Variants in DENND5A observed in about 807,000 individuals in gnomAD.
The protein encoded by DENND5A is DENN domain containing 5A.
In DENND5A, 64 loss-of-function variants were observed where a neutral mutation model predicts 140.3. The ratio of observed to expected loss-of-function variants is 0.46; its 90% CI spans 0.37 to 0.56. DENND5A has a LOEUF of 0.56. Ranked by LOEUF, DENND5A falls within the 20% of genes least tolerant of loss-of-function variation. DENND5A has a pLI of 0.00. For missense variants in DENND5A, 1,292 were observed against 1,593.8 expected (o/e 0.81, Z 3.22); for synonymous variants, 605 against 607.7 (o/e 1.00, Z 0.07).
chr11:9,216,059 C>G (rs1850082504), intron 1 of DENND5A, among the ~76,000 whole-genome samples: 1 of 152,178 alleles, frequency 6.6e-6, no homozygotes, highest in African/African-American at 2.4e-5. Flanking sequence ...TCCTCAATAC[C>G]AAATTTTAAT....
At chr11:9,229,966 G>A (rs990147638) in intron 1 of DENND5A, among the ~76,000 whole-genome samples, 3 of 126,422 alleles carry the variant, frequency 2.4e-5, no homozygotes, top group African/African-American at 9.1e-5. Context: ...GTGCAGTGGT[G>A]TGATCTCAGC....
intron 1 of DENND5A, among the ~76,000 whole-genome samples, chr11:9,244,316 G>A (rs1851371462): frequency 6.6e-6 from 1 of 152,008 alleles, no homozygotes; most frequent in Non-Finnish European, 1.5e-5. Context: ...GGCCATGAGA[G>A]CTGCTCCCTT....
At position 9,138,981 on chromosome 11, in the gene DENND5A, A is replaced by G. The variant is rs999441830; in HGVS notation, c.*690T>C. 1 of 152,422 alleles carries G rather than the reference A, an allele frequency of 6.6e-6. No homozygotes were observed. Among genetic ancestry groups the G allele is most frequent in the Non-Finnish European group, 1.5e-5 (1 of 68,030 alleles). 9.4% of individuals were successfully genotyped at this position (152,422 alleles called of 1,614,324 possible). A position where few individuals can be genotyped will look rare whatever the true frequency, so the allele number is the denominator to read the frequency against. On this transcript the variant is annotated 3_prime_UTR_variant, in exon 23 of 23. Transcript: ENST00000328194. ...ACTTAAAAACACACAATGGCGGGTTAAATAAATAAAACATTTTAAAAAAGA... is the reference window on the plus strand; with the variant it reads ...ACTTAAAAACACACAATGGCGGGTTGAATAAATAAAACATTTTAAAAAAGA...
intron 15 of DENND5A, among the ~76,000 whole-genome samples, chr11:9,148,939 C>T (rs1847520809): frequency 2.0e-5 from 3 of 152,078 alleles, no homozygotes; most frequent in Admixed American, 1.3e-4. Flanking sequence ...TGTGTGCATG[C>T]AAAGAATTGA....
At chr11:9,221,163 G>A (rs1237310924) in intron 1 of DENND5A, among the ~76,000 whole-genome samples, 2 of 152,004 alleles carry the variant, frequency 1.3e-5, no homozygotes, top group Admixed American at 1.3e-4. Context: ...GGACACGGTG[G>A]CTCACGCCTG....
At chr11:9,241,852 T>C (rs1450666656) in intron 1 of DENND5A, among the ~76,000 whole-genome samples, 1 of 151,948 alleles carries the variant, frequency 6.6e-6, no homozygotes. Context: ...CCATCTCTAC[T>C]AAAATTACAA....
intron 12 of DENND5A, 62 bp from the exon 13 acceptor site, chr11:9,152,504 C>T (rs1847653161): frequency 8.7e-7 from 1 of 1,150,068 alleles, no homozygotes; most frequent in Non-Finnish European, 1.3e-6. Context: ...AGGCTTTCAA[C>T]ATACAGATAG....
chr11:9,187,468 C>T (rs183750396), intron 5 of DENND5A, among the ~76,000 whole-genome samples: 33 of 152,238 alleles, frequency 2.2e-4, no homozygotes, highest in Non-Finnish European at 4.7e-4. Context: ...AAATATCTTC[C>T]GCTCAAGGTC....
chr11:9,178,129 T>C lies in DENND5A; in HGVS notation c.1906+3A>G. On this transcript the variant is annotated splice_donor_region_variant and intron_variant, in intron 8 of 22. Transcript: ENST00000328194. ...TGAATGTACATTTCCAAGGAGGCCT[T>C]ACCTGCTTCATCCACAGTGGTACAC... 3 of 1,605,580 alleles carry C rather than the reference T, an allele frequency of 1.9e-6. No individual in the cohort carries two copies. Among genetic ancestry groups the C allele is most frequent in the Non-Finnish European group, 2.6e-6 (3 of 1,172,188 alleles).
chr11:9,154,621 C>A (rs983793442), intron 12 of DENND5A, among the ~76,000 whole-genome samples: 1 of 151,482 alleles, frequency 6.6e-6, no homozygotes, highest in Non-Finnish European at 1.5e-5. Context: ...GTACTTCCTA[C>A]AAAATTCATA....
In DENND5A at chr11:9,178,221, G is replaced by A. The variant is rs758930750; in HGVS notation, c.1817C>T (p.Ser606Phe). The A allele has an allele frequency of 6.2e-7, 1 of 1,613,866 alleles. No individual in the cohort carries two copies. Among genetic ancestry groups the A allele is most frequent in the South Asian group, 1.1e-5 (1 of 91,072 alleles). The change falls in exon 8 of 23, where the codon TCC becomes TTC. Residue 606 changes from serine to phenylalanine, a missense_variant. Coordinates refer to ENST00000328194, the MANE Select transcript of DENND5A (RefSeq NM_015213.4). ...DKDPVLRVFD[S>F]RVDKIRLLNV... is the part of the protein sequence containing the mutation. Reference sequence around the variant, plus strand: ...CAACAGCCTGATCTTGTCAACTCGGGAATCAAATACCCGGAGTACAGGGTC... The same window carrying A: ...CAACAGCCTGATCTTGTCAACTCGGAAATCAAATACCCGGAGTACAGGGTC...
chr11:9,247,027 G>A (rs548808774), intron 1 of DENND5A, among the ~76,000 whole-genome samples: 352 of 152,174 alleles, frequency 2.3e-3, no homozygotes, highest in Admixed American at 3.8e-3. Context: ...TCAGGAGATC[G>A]AGACCATCTG....
intron 1 of DENND5A, among the ~76,000 whole-genome samples, chr11:9,243,845 C>A (rs1246034236): frequency 6.6e-6 from 1 of 152,142 alleles, no homozygotes; most frequent in Admixed American, 6.5e-5. Context: ...AAGATCACAC[C>A]ACTGCACTCC....
chr11:9,161,347 C>CA (rs11354858), intron 11 of DENND5A, among the ~76,000 whole-genome samples: 2,789 of 145,770 alleles, frequency 0.019, 44 homozygotes, highest in Non-Finnish European at 0.03. Flanking sequence ...GACTCCGTCT[C>CA]AAAAAAAAAA....
chr11:9,208,554 A>C (rs1020344551), intron 1 of DENND5A, among the ~76,000 whole-genome samples: 1 of 152,244 alleles, frequency 6.6e-6, no homozygotes, highest in Non-Finnish European at 1.5e-5. Context: ...CACCTGTTCC[A>C]GAAACTAATA....
chr11:9,237,577 T>A (rs1414232898), intron 1 of DENND5A, among the ~76,000 whole-genome samples: 1 of 151,982 alleles, frequency 6.6e-6, no homozygotes, highest in African/African-American at 2.4e-5. Flanking sequence ...CAATATCTAT[T>A]AAAATTTAAA....
intron 6 of DENND5A, 88 bp downstream of exon 6, chr11:9,180,679 T>C (rs1030268125): frequency 3.1e-6 from 4 of 1,285,680 alleles, no homozygotes; most frequent in Non-Finnish European, 4.3e-6. Flanking sequence ...TGTCCAGAAC[T>C]GGGTGCTTTC....
chr11:9,263,524 C>T (rs549217078), intron 1 of DENND5A, among the ~76,000 whole-genome samples: 12 of 151,088 alleles, frequency 7.9e-5, no homozygotes, highest in Admixed American at 7.2e-4. Flanking sequence ...GGTGGGCCAC[C>T]GCGCCCCGCC....
intron 8 of DENND5A, among the ~76,000 whole-genome samples, chr11:9,176,020 C>T (rs188364288): frequency 5.3e-5 from 8 of 152,312 alleles, no homozygotes; most frequent in South Asian, 4.1e-4. Flanking sequence ...ATCAAAATCA[C>T]GTCTCCCTTA....
Sources: gnomAD v4.1 joint callset for allele counts (sites outside exome capture counted in the v4.1 genomes callset) on GRCh38, gnomAD v4.1.1 for gene constraint, MANE v1.5 for transcripts, NCBI Gene and HGNC (gene_info 2026-07-23, HGNC 2026-07-21) for gene names.